The following ZNF536 variants were observed in gnomAD, a reference collection of about 807,000 sequenced individuals.
The protein encoded by ZNF536 is zinc finger protein 536.
A neutral mutation model predicts 84.5 loss-of-function variants in ZNF536; 13 were observed. The ratio of observed to expected loss-of-function variants is 0.15; its 90% CI spans 0.10 to 0.24. The LOEUF (loss-of-function observed/expected upper bound fraction) is 0.24, where lower values mean the gene tolerates loss of function less well. ZNF536 is among the 10% of genes least tolerant of loss of function. The pLI is 1.00. For missense variants in ZNF536, 1,536 were observed against 1,747.5 expected, an observed-to-expected ratio of 0.88 and a Z score of 2.16; for synonymous variants, 811 against 742.5, an observed-to-expected ratio of 1.09 and a Z score of -1.50.
chr19:30,269,909 C>T (rs540379052), intron 1 of ZNF536, among the ~76,000 whole-genome samples: 2 of 152,220 alleles, frequency 1.3e-5, no homozygotes, highest in South Asian at 2.1e-4. Context: ...TTTTCAGGGA[C>T]GGCACTGTTT....
At chr19:30,282,401 C>CAGGAAA (rs1307847799) in intron 1 of ZNF536, among the ~76,000 whole-genome samples, 1 of 131,004 alleles carries the variant, frequency 7.6e-6, no homozygotes, top group Non-Finnish European at 1.9e-5. Flanking sequence ...CCCATCACTG[C>CAGGAAA]CCCGGTGCCA....
intron 1 of ZNF536, among the ~76,000 whole-genome samples, chr19:30,623,638 C>T (rs1416853639): frequency 2.6e-5 from 4 of 152,224 alleles, no homozygotes; most frequent in African/African-American, 9.6e-5. Context: ...GATCCCTCAC[C>T]TTTTCTGGGT....
rs537647745 is a variant in ZNF536 at position 30,456,080 on chromosome 19, A to G, written c.2170+10348A>G. Among the ~76,000 whole-genome samples, 43 of 152,262 alleles carry G rather than the reference A, an allele frequency of 2.8e-4. 1 individual carries two copies. The highest frequency in any genetic ancestry group is 9.4e-4 in the African/African-American group (39 of 41,540). On this transcript the variant is annotated intron_variant, in intron 2 of 4. Coordinates refer to ENST00000355537, the MANE Select transcript of ZNF536 (RefSeq NM_014717.3). ...AAGAGTGTGATGGTATTTCAATAAA[A>G]CTTTATTGAAATTGCAAAAATTGGC...
chr19:30,412,162 C>A (rs974390902), intron 1 of ZNF536, among the ~76,000 whole-genome samples: 5 of 151,938 alleles, frequency 3.3e-5, no homozygotes, highest in African/African-American at 1.2e-4. Context: ...TAGGTACAGT[C>A]ATTTTCAACT....
At chr19:30,430,433 G>A (rs979836027) in intron 1 of ZNF536, among the ~76,000 whole-genome samples, 4 of 152,168 alleles carry the variant, frequency 2.6e-5, no homozygotes, top group African/African-American at 9.7e-5. Flanking sequence ...GCCCTCATGG[G>A]GTTTTGGACA....
chr19:30,434,116 A>G (rs1032975947), intron 1 of ZNF536, among the ~76,000 whole-genome samples: 19 of 152,318 alleles, frequency 1.2e-4, no homozygotes, highest in African/African-American at 3.8e-4. Context: ...ATTCATGTCA[A>G]TGGAACTTCA....
intron 2 of ZNF536, among the ~76,000 whole-genome samples, chr19:30,531,135 T>C (rs1339465830): frequency 1.3e-5 from 2 of 152,188 alleles, no homozygotes; most frequent in Non-Finnish European, 2.9e-5. Context: ...CCAAAAAAAA[T>C]CCCTTTTCTT....
intron 2 of ZNF536, among the ~76,000 whole-genome samples, chr19:30,337,255 A>G (rs1056028167): frequency 2.0e-5 from 3 of 152,148 alleles, no homozygotes; most frequent in African/African-American, 7.2e-5. Context: ...TGCCTGGCCC[A>G]CAGAGTGGGG....
intron 1 of ZNF536, among the ~76,000 whole-genome samples, chr19:30,279,214 G>A (rs1038013045): frequency 1.3e-5 from 2 of 152,194 alleles, no homozygotes; most frequent in African/African-American, 4.8e-5. Context: ...TCTTCTTAGA[G>A]ATTGTTATTT....
intron 1 of ZNF536, among the ~76,000 whole-genome samples, chr19:30,606,921 G>A (rs368085629): frequency 1.2e-3 from 182 of 152,226 alleles, no homozygotes; most frequent in African/African-American, 4.2e-3. Context: ...GCAGCTATTG[G>A]TGGAGGCCCC....
chr19:30,326,767 C>A (rs1454238579), intron 2 of ZNF536, among the ~76,000 whole-genome samples: 1 of 74,566 alleles, frequency 1.3e-5, no homozygotes, highest in Non-Finnish European at 2.9e-5. Flanking sequence ...TTTTTTTTAA[C>A]TGGGAGATTT....
intron 2 of ZNF536, among the ~76,000 whole-genome samples, chr19:30,334,141 CAG>C (rs2047304674): frequency 1.3e-5 from 2 of 152,276 alleles, no homozygotes; most frequent in South Asian, 2.1e-4. Context: ...CAAAAAGAAA[CAG>C]AAGCAGTTTC....
intron 2 of ZNF536, among the ~76,000 whole-genome samples, chr19:30,341,174 T>C (rs1457902823): frequency 1.3e-5 from 2 of 152,240 alleles, no homozygotes; most frequent in East Asian, 3.8e-4. Flanking sequence ...TGATGCATCA[T>C]ACTGTTTACA....
chr19:30,291,226 T>C (rs1190526523), intron 2 of ZNF536, among the ~76,000 whole-genome samples: 1 of 152,230 alleles, frequency 6.6e-6, no homozygotes, highest in Non-Finnish European at 1.5e-5. Context: ...CTGGGTTAAA[T>C]GGTATTTCTG....
intron 2 of ZNF536, among the ~76,000 whole-genome samples, chr19:30,288,452 C>A (rs2045723889): frequency 6.6e-6 from 1 of 152,080 alleles, no homozygotes. Context: ...TGCAATGTAC[C>A]CATCTATTGG....
chr19:30,315,644 T>A (rs558034225), intron 2 of ZNF536, among the ~76,000 whole-genome samples: 168 of 152,298 alleles, frequency 1.1e-3, no homozygotes, highest in Non-Finnish European at 2.0e-3. Context: ...ACTATTAAGA[T>A]TCAAACAACA....
chr19:30,349,271 T>C (rs1690489293), intron 2 of ZNF536, among the ~76,000 whole-genome samples: 2 of 152,226 alleles, frequency 1.3e-5, no homozygotes, highest in African/African-American at 4.8e-5. Flanking sequence ...AGTAGAGCAT[T>C]CATAATGGCT....
intron 1 of ZNF536, among the ~76,000 whole-genome samples, chr19:30,696,764 G>A (rs894267067): frequency 6.6e-6 from 1 of 152,172 alleles, no homozygotes; most frequent in Non-Finnish European, 1.5e-5. Context: ...GCTGAGCTGG[G>A]AGGCATGGGA....
intron 1 of ZNF536, among the ~76,000 whole-genome samples, chr19:30,628,411 C>T (rs1424928128): frequency 6.7e-6 from 1 of 150,290 alleles, no homozygotes; most frequent in African/African-American, 2.5e-5. Context: ...CTGCAGAGCT[C>T]CAGCTCATCC....
Sources: gnomAD v4.1 joint callset for allele counts (sites outside exome capture counted in the v4.1 genomes callset) on GRCh38, gnomAD v4.1.1 for gene constraint, MANE v1.5 for transcripts, NCBI Gene and HGNC (gene_info 2026-07-23, HGNC 2026-07-21) for gene names.